The following AK4 variants were observed in gnomAD, a reference collection of about 807,000 sequenced individuals.
AK4 encodes the protein adenylate kinase 4, mitochondrial.
AK4 carries 13 observed loss-of-function variants against 24.6 expected under a neutral mutation model. The observed-to-expected ratio is 0.53, with a 90% confidence interval of 0.34 to 0.84. AK4 has a LOEUF of 0.84. Among genes scored for constraint, AK4 ranks in the 40% least tolerant of loss-of-function variants. The probability of loss-of-function intolerance (pLI) is 0.01; values close to 1 mark genes in which losing one functional copy is unlikely to be tolerated. For synonymous variants in AK4, 88 were observed against 107.0 expected (o/e 0.82, Z 1.10); for missense variants, 192 against 288.2 (o/e 0.67, Z 2.42).
At chr1:65,155,731 C>T (rs1461911594) in intron 1 of AK4, among the ~76,000 whole-genome samples, 1 of 151,284 alleles carries the variant, frequency 6.6e-6, no homozygotes, top group African/African-American at 2.4e-5. Context: ...GGCGTGTTCT[C>T]GGCTCTTGGC....
intron 2 of AK4, among the ~76,000 whole-genome samples, chr1:65,213,598 G>A (rs1259639546): frequency 2.0e-5 from 3 of 152,230 alleles, no homozygotes; most frequent in African/African-American, 7.2e-5. Flanking sequence ...TCTACCAAGA[G>A]CAGCAGCAAC....
chr1:65,224,616 T>G (rs1046184076), intron 3 of AK4, 136 bp from the exon 4 acceptor site: 19 of 673,622 alleles, frequency 2.8e-5, no homozygotes, highest in Admixed American at 9.4e-5. Context: ...ACTCTTAAAA[T>G]TACCACTGTC....
chr1:65,179,893 C>G (rs2101023885), intron 1 of AK4, among the ~76,000 whole-genome samples: 1 of 152,286 alleles, frequency 6.6e-6, no homozygotes, highest in South Asian at 2.1e-4. Flanking sequence ...GACACAAATA[C>G]TTAGTATCTC....
At chr1:65,155,962 C>CCA (rs141025369) in intron 1 of AK4, among the ~76,000 whole-genome samples, 11,449 of 151,670 alleles carry the variant, frequency 0.075, 600 homozygotes, top group Admixed American at 0.21. Flanking sequence ...GAGCCACCTT[C>CCA]CACACACACA....
chr1:65,162,565 G>T (rs543567922), intron 1 of AK4, among the ~76,000 whole-genome samples: 1 of 151,928 alleles, frequency 6.6e-6, no homozygotes, highest in Non-Finnish European at 1.5e-5. Context: ...ACTCAGGGCC[G>T]GGCGCAGTGG....
intron 1 of AK4, among the ~76,000 whole-genome samples, chr1:65,154,915 A>AT (rs1649927012): frequency 6.7e-6 from 1 of 150,262 alleles, no homozygotes; most frequent in Non-Finnish European, 1.5e-5. Flanking sequence ...CAGTGGCGCT[A>AT]TTTTGGCTCA....
At chr1:65,209,808 C>CT (rs993021796) in intron 2 of AK4, among the ~76,000 whole-genome samples, 5 of 151,618 alleles carry the variant, frequency 3.3e-5, no homozygotes, top group Non-Finnish European at 7.4e-5. Flanking sequence ...TTTTCTTTTT[C>CT]TTTTTTTTCT....
intron 1 of AK4, among the ~76,000 whole-genome samples, chr1:65,157,648 G>C (rs966352454): frequency 6.6e-6 from 1 of 152,074 alleles, no homozygotes; most frequent in Non-Finnish European, 1.5e-5. Context: ...AATTAGCTGG[G>C]TGTGGTTTTA....
At chr1:65,152,313 GCTATCTCTCTCTCTCTCT>G (rs1649797747) in intron 1 of AK4, among the ~76,000 whole-genome samples, 1 of 62,892 alleles carries the variant, frequency 1.6e-5, no homozygotes, top group African/African-American at 6.5e-5. Flanking sequence ...TTCTGCACTT[GCTATCTCTCTCTCTCTCT>G]CTCTCTCTCT....
intron 1 of AK4, among the ~76,000 whole-genome samples, chr1:65,178,532 T>TA (rs1650794391): frequency 6.6e-6 from 1 of 152,246 alleles, no homozygotes; most frequent in South Asian, 2.1e-4. Flanking sequence ...GAACTAACTT[T>TA]AGCCCATGTG....
At chr1:65,200,548 C>T (rs2101055501) in intron 2 of AK4, among the ~76,000 whole-genome samples, 1 of 152,336 alleles carries the variant, frequency 6.6e-6, no homozygotes, top group African/African-American at 2.4e-5. Flanking sequence ...CATCTTCTTA[C>T]ACACTTTATC....
chr1:65,194,731 G>A (rs1651416723), intron 2 of AK4, among the ~76,000 whole-genome samples: 1 of 152,190 alleles, frequency 6.6e-6, no homozygotes, highest in Admixed American at 6.5e-5. Flanking sequence ...CAAAGTGTTG[G>A]GATTACAGGC....
chr1:65,172,062 A>AATATATATAT (rs1406842262), intron 1 of AK4, among the ~76,000 whole-genome samples: 17 of 29,904 alleles, frequency 5.7e-4, no homozygotes, highest in Non-Finnish European at 1.4e-3. Context: ...CTCCATCTCA[A>AATATATATAT]GTATATATAT....
intron 3 of AK4, among the ~76,000 whole-genome samples, chr1:65,223,080 C>T (rs940846381): frequency 1.1e-4 from 17 of 151,808 alleles, no homozygotes; most frequent in Admixed American, 8.5e-4. Context: ...TTTTAATACA[C>T]CTTTAAATAT....
intron 1 of AK4, among the ~76,000 whole-genome samples, chr1:65,175,937 G>A (rs1650699498): frequency 6.6e-6 from 1 of 152,244 alleles, no homozygotes; most frequent in South Asian, 2.1e-4. Context: ...AGATGTTCAT[G>A]GTGTGTTTAT....
chr1:65,154,716 C>A, intron 1 of AK4: 1 of 282,434 alleles, frequency 3.5e-6, no homozygotes, highest in East Asian at 7.4e-5. Context: ...GTTCTTTGTA[C>A]ATAAAATAAA....
chr1:65,156,998 G>A (rs2100986578), intron 1 of AK4, among the ~76,000 whole-genome samples: 1 of 151,780 alleles, frequency 6.6e-6, no homozygotes, highest in Middle Eastern at 3.4e-3. Context: ...ATAATCCACT[G>A]TATGTTAACA....
chr1:65,174,353 C>T (rs983594921), intron 1 of AK4, among the ~76,000 whole-genome samples: 5 of 151,996 alleles, frequency 3.3e-5, no homozygotes, highest in African/African-American at 1.2e-4. Context: ...ACAAGGAACT[C>T]GTTTTCTTAA....
chr1:65,152,342 CTCTCTCTCTCTCTCTCTCTATA>C (rs1395615541), intron 1 of AK4, among the ~76,000 whole-genome samples: 5 of 42,560 alleles, frequency 1.2e-4, no homozygotes, highest in Non-Finnish European at 1.7e-4. Flanking sequence ...CTCTCTCTCT[CTCTCTCTCTCTCTCTCTCTATA>C]TATATATATA....
Sources: gnomAD v4.1 joint callset for allele counts (sites outside exome capture counted in the v4.1 genomes callset) on GRCh38, gnomAD v4.1.1 for gene constraint, MANE v1.5 for transcripts, NCBI Gene and HGNC (gene_info 2026-07-23, HGNC 2026-07-21) for gene names.